Variants in SVIL observed in about 807,000 individuals in gnomAD.
SVIL encodes archvillin.
In SVIL, 101 loss-of-function variants were observed where a neutral mutation model predicts 240.4. That is an observed-to-expected ratio of 0.42 (90% CI 0.36 to 0.50). The LOEUF is 0.50. Ranked by LOEUF, SVIL falls within the 20% of genes least tolerant of loss-of-function variation. SVIL has a pLI of 0.01. For synonymous variants in SVIL, 999 were observed against 1,100.0 expected (o/e 0.91, Z 1.82); for missense variants, 2,512 against 2,818.7 (o/e 0.89, Z 2.46).
At chr10:29,465,435 G>T (rs1203572370) in intron 34 of SVIL, among the ~76,000 whole-genome samples, 160 bp downstream of exon 34, 2 of 152,192 alleles carry the variant, frequency 1.3e-5, no homozygotes, top group African/African-American at 4.8e-5. Flanking sequence ...TCCTTTTGGT[G>T]TAGGGGTGAG....
At chr10:29,728,935 G>A (rs917310378) in intron 1 of SVIL, among the ~76,000 whole-genome samples, 3 of 152,100 alleles carry the variant, frequency 2.0e-5, no homozygotes, top group African/African-American at 4.8e-5. Flanking sequence ...GTGGCTGGGC[G>A]ACAGCAACAG....
intron 1 of SVIL, among the ~76,000 whole-genome samples, chr10:29,575,904 T>C (rs1463993174): frequency 6.6e-6 from 1 of 152,140 alleles, no homozygotes; most frequent in African/African-American, 2.4e-5. Flanking sequence ...TTATAGTCAT[T>C]GAGGTCTAAA....
At chr10:29,596,366 A>G (rs1472965310) in intron 1 of SVIL, among the ~76,000 whole-genome samples, 4 of 152,190 alleles carry the variant, frequency 2.6e-5, no homozygotes, top group Non-Finnish European at 5.9e-5. Flanking sequence ...CCAGCTACTT[A>G]GGAGGCTGTG....
Position 29,714,004 on chromosome 10 carries a change from A to C in SVIL, c.-400+21747T>G, listed in dbSNP as rs192016792. ...ACTGGAGAAGCACCCAATCAATGAT[A>C]TCTCAAGGGCCACTAGTGTTGGGTG... On this transcript the variant is annotated intron_variant, in intron 1 of 35. Transcript: ENST00000375400. Among the ~76,000 whole-genome samples, 210 of 152,342 alleles carry C rather than the reference A, an allele frequency of 1.4e-3. 1 individual carries two copies. Among genetic ancestry groups the C allele is most frequent in the African/African-American group, 4.9e-3 (202 of 41,572 alleles).
chr10:29,496,158 T>C (rs1181805906), intron 18 of SVIL, among the ~76,000 whole-genome samples: 3 of 134,046 alleles, frequency 2.2e-5, no homozygotes, highest in African/African-American at 8.6e-5. Context: ...AGAAGTATTA[T>C]AGCATTAAAA....
intron 1 of SVIL, among the ~76,000 whole-genome samples, chr10:29,722,773 G>A (rs1964066138): frequency 6.6e-6 from 1 of 152,172 alleles, no homozygotes; most frequent in Non-Finnish European, 1.5e-5. Context: ...TACTGCATGA[G>A]CTTTCAAGCT....
intron 3 of SVIL, among the ~76,000 whole-genome samples, chr10:29,647,937 T>A (rs544513537): frequency 1.9e-4 from 28 of 148,826 alleles, no homozygotes; most frequent in African/African-American, 6.9e-4. Context: ...ATTAGTGGCA[T>A]TTTTAATTGA....
At position 29,523,659 on chromosome 10, in the gene SVIL, T is replaced by G; in HGVS notation, c.2955A>C (p.Gly985=). ...SYPILNRARE[G]DSHKESKYAV... Reference sequence around the variant, plus strand: ...CATATTTAGATTCCTTATGGCTGTCTCCTTCCCTGGCTCGGTTCAGGATGG... The same window carrying G: ...CATATTTAGATTCCTTATGGCTGTCGCCTTCCCTGGCTCGGTTCAGGATGG... Residue 985 remains glycine (G), a synonymous_variant, in exon 15 of 38, where the codon GGA becomes GGC. Coordinates refer to ENST00000355867, the MANE Select transcript of SVIL (RefSeq NM_021738.3). 3.1e-6 allele frequency: 5 copies of G among 1,614,118 alleles called. No individual in the cohort carries two copies. Among genetic ancestry groups the G allele is most frequent in the Non-Finnish European group, 4.2e-6 (5 of 1,179,988 alleles).
intron 1 of SVIL, among the ~76,000 whole-genome samples, chr10:29,689,712 A>G (rs1961360400): frequency 6.6e-6 from 1 of 152,206 alleles, no homozygotes; most frequent in Admixed American, 6.5e-5. Context: ...CACCTTCAAA[A>G]TACTAAAATA....
chr10:29,536,375 T>C (rs536618585), intron 6 of SVIL, among the ~76,000 whole-genome samples: 80 of 152,024 alleles, frequency 5.3e-4, no homozygotes, highest in Middle Eastern at 6.8e-3. Context: ...ACATAACAAA[T>C]CTGCACATGT....
At chr10:29,485,979 C>T (rs1947352742) in intron 26 of SVIL, 106 bp downstream of exon 26, 7 of 1,321,032 alleles carry the variant, frequency 5.3e-6, no homozygotes, top group Non-Finnish European at 5.2e-6. Context: ...TGGATACCGA[C>T]ACTGGCTAAC....
At chr10:29,674,021 T>C (rs531700214) in intron 2 of SVIL, among the ~76,000 whole-genome samples, 1 of 152,298 alleles carries the variant, frequency 6.6e-6, no homozygotes, top group South Asian at 2.1e-4. Context: ...ATTTACAATT[T>C]AGCATAAATT....
intron 3 of SVIL, among the ~76,000 whole-genome samples, chr10:29,648,338 G>A (rs1265983299): frequency 6.6e-6 from 1 of 152,186 alleles, no homozygotes; most frequent in African/African-American, 2.4e-5. Context: ...CACCACATTA[G>A]AGGCCTGGCT....
chr10:29,569,138 A>G (rs1955248949), intron 2 of SVIL, 117 bp downstream of exon 2: 1 of 354,744 alleles, frequency 2.8e-6, no homozygotes, highest in Non-Finnish European at 3.9e-6. Context: ...ATCAAATTCT[A>G]GAGAGAAAAC....
At chr10:29,731,690 T>A (rs966080627) in intron 1 of SVIL, among the ~76,000 whole-genome samples, 1 of 152,228 alleles carries the variant, frequency 6.6e-6, no homozygotes, top group African/African-American at 2.4e-5. Flanking sequence ...TTCTGACATT[T>A]CCTTTTAAAC....
Position 29,646,215 on chromosome 10 carries a change from C to T in SVIL, c.-201+11754G>A, listed in dbSNP as rs563029891. Among the ~76,000 whole-genome samples the T allele has an allele frequency of 3.9e-5, 6 of 152,336 alleles. No individual in the cohort carries two copies. In the East Asian group the frequency reaches 1.2e-3, roughly 29 times the overall value. ...GCAACTTTATCCCTCACAGACACCC[C>T]CCTGCCCTGCAATCTGTGATCGTAA... On this transcript the variant is annotated intron_variant, in intron 3 of 35. Transcript: ENST00000375400.
At chr10:29,590,356 C>T (rs1956343863) in intron 1 of SVIL, among the ~76,000 whole-genome samples, 1 of 152,092 alleles carries the variant, frequency 6.6e-6, no homozygotes, top group Admixed American at 6.6e-5. Context: ...ACTGAGCCAG[C>T]CCCTGACACT....
intron 3 of SVIL, 77 bp from the exon 4 acceptor site, chr10:29,555,185 T>G: frequency 7.5e-7 from 1 of 1,341,584 alleles, no homozygotes; most frequent in Non-Finnish European, 1.0e-6. Context: ...TGCAACGTGT[T>G]TATTGAACTG....
At chr10:29,563,323 C>A (rs1446823797) in intron 2 of SVIL, 31 bp from the exon 3 acceptor site, 1 of 947,600 alleles carries the variant, frequency 1.1e-6, no homozygotes, top group Non-Finnish European at 1.3e-6. Flanking sequence ...AAAGTTAAGT[C>A]CATTTAAATA....
Sources: gnomAD v4.1 joint callset for allele counts (sites outside exome capture counted in the v4.1 genomes callset) on GRCh38, gnomAD v4.1.1 for gene constraint, MANE v1.5 for transcripts, NCBI Gene and HGNC (gene_info 2026-07-23, HGNC 2026-07-21) for gene names.